The following DCAF6 variants were observed in gnomAD, a reference collection of about 807,000 sequenced individuals.
DCAF6 encodes DDB1 and CUL4 associated factor 6, also known as DDB1- and CUL4-associated factor 6.
DCAF6 carries 54 observed loss-of-function variants against 125.1 expected under a neutral mutation model. The observed-to-expected ratio is 0.43, with a 90% CI of 0.35 to 0.54. The LOEUF is 0.54. Ranked by LOEUF, DCAF6 falls within the 20% of genes least tolerant of loss-of-function variation. The probability of loss-of-function intolerance (pLI) is 0.01; values close to 1 mark genes in which losing one functional copy is unlikely to be tolerated. For missense variants in DCAF6, 934 were observed against 1,161.7 expected (o/e 0.80, Z 2.85); for synonymous variants, 371 against 390.4 (o/e 0.95, Z 0.58).
intron 2 of DCAF6, among the ~76,000 whole-genome samples, chr1:167,962,904 G>A (rs973960834): frequency 1.8e-4 from 28 of 152,070 alleles, no homozygotes; most frequent in African/African-American, 6.3e-4. Context: ...TGTAGTAAGC[G>A]GAGATAGCAC....
chr1:167,973,510 A>T (rs567563912), intron 3 of DCAF6, among the ~76,000 whole-genome samples: 2 of 152,282 alleles, frequency 1.3e-5, no homozygotes, highest in Non-Finnish European at 2.9e-5. Context: ...GTGATTTTTA[A>T]ATTGTCATTT....
At chr1:167,911,668 C>CA in the DCAF6 span, among the ~76,000 whole-genome samples, 6 of 152,264 alleles carry the variant, frequency 3.9e-5, no homozygotes, top group South Asian at 1.2e-3. Flanking sequence ...ACTCTCGTGG[C>CA]AAAACTGCTG....
the DCAF6 span, among the ~76,000 whole-genome samples, chr1:167,892,237 G>A: frequency 6.6e-6 from 1 of 152,192 alleles, no homozygotes; most frequent in South Asian, 2.1e-4. Context: ...TTCCCAAAGT[G>A]CTGGGATTAC....
intron 10 of DCAF6, among the ~76,000 whole-genome samples, chr1:168,009,214 G>T (rs1683824359): frequency 1.3e-5 from 2 of 151,738 alleles, no homozygotes; most frequent in African/African-American, 4.8e-5. Flanking sequence ...TGGCCACGAT[G>T]GTCTCAATCT....
At chr1:167,966,014 C>T (rs1352096560) in intron 2 of DCAF6, among the ~76,000 whole-genome samples, 1 of 152,144 alleles carries the variant, frequency 6.6e-6, no homozygotes, top group African/African-American at 2.4e-5. Flanking sequence ...GGTTTTCCTA[C>T]CCTAGCTCTG....
At chr1:167,920,630 C>A in the DCAF6 span, 1 of 1,611,562 alleles carries the variant, frequency 6.2e-7, no homozygotes, top group Non-Finnish European at 8.5e-7. Context: ...ACACACCAAC[C>A]CCTACACATT....
intron 4 of DCAF6, among the ~76,000 whole-genome samples, chr1:167,977,626 T>G (rs1489857009): frequency 1.3e-5 from 2 of 152,152 alleles, no homozygotes; most frequent in Non-Finnish European, 2.9e-5. Flanking sequence ...TGTGAGCAAT[T>G]GGCATCTTGA....
chr1:167,945,848 A>T, intron 1 of DCAF6, among the ~76,000 whole-genome samples: 1 of 141,604 alleles, frequency 7.1e-6, no homozygotes, highest in Non-Finnish European at 1.5e-5. Context: ...TGTGTTCTTG[A>T]TTTGGTTTTC....
the DCAF6 span, chr1:167,883,383 A>G: frequency 3.1e-6 from 5 of 1,589,818 alleles, no homozygotes; most frequent in Non-Finnish European, 4.3e-6. Context: ...GTGCTTGTCC[A>G]TGAATGCTAA....
the DCAF6 span, chr1:167,899,695 T>G: frequency 6.7e-7 from 1 of 1,496,684 alleles, no homozygotes; most frequent in Non-Finnish European, 9.2e-7. Flanking sequence ...GCACAGGTTT[T>G]TGGAAAAACC....
Position 167,936,852 on chromosome 1 carries a change from C to CA in DCAF6, c.-60_-59insA. On this transcript the variant is annotated 5_prime_UTR_variant, in exon 1 of 22. Coordinates refer to ENST00000367840, the MANE Select transcript of DCAF6 (RefSeq NM_001198956.2). The stretch of plus-strand genomic sequence containing the variant: ...GCTCGGGTGTTGAAACGGGTGTCCC[C>CA]TCCCCCTCCTCCCCTCCCCCACGCG... The CA allele has an allele frequency of 2.2e-6, 3 of 1,393,892 alleles. No homozygotes were observed. The highest frequency in any genetic ancestry group is 3.0e-6 in the Non-Finnish European group (3 of 1,007,836). 86.3% of individuals were successfully genotyped at this position (1,393,892 alleles called of 1,614,324 possible). A position where few individuals can be genotyped will look rare whatever the true frequency, so the allele number is the denominator to read the frequency against.
the DCAF6 span, among the ~76,000 whole-genome samples, chr1:167,929,597 TA>T: frequency 6.6e-6 from 1 of 152,224 alleles, no homozygotes; most frequent in South Asian, 2.1e-4. Flanking sequence ...TCAATGAACC[TA>T]TTAATAAACT....
At chr1:167,885,804 C>G in the DCAF6 span, among the ~76,000 whole-genome samples, 1 of 151,926 alleles carries the variant, frequency 6.6e-6, no homozygotes, top group African/African-American at 2.4e-5. Flanking sequence ...TTAGTAGAGA[C>G]GGGGTTTCAC....
At chr1:167,993,188 C>T (rs780564591) in intron 6 of DCAF6, 38 bp from the exon 7 acceptor site, 2 of 1,529,076 alleles carry the variant, frequency 1.3e-6, no homozygotes, top group Non-Finnish European at 1.8e-6. Flanking sequence ...TTCTTTAAAA[C>T]ATTATTAATT....
chr1:167,932,297 A>G (rs1420102361), upstream of DCAF6, among the ~76,000 whole-genome samples: 1 of 152,130 alleles, frequency 6.6e-6, no homozygotes, highest in African/African-American at 2.4e-5. Context: ...AATTACTGCA[A>G]TAATATATTT....
At chr1:167,866,606 G>T in the DCAF6 span, among the ~76,000 whole-genome samples, 2 of 150,760 alleles carry the variant, frequency 1.3e-5, no homozygotes, top group Non-Finnish European at 3.0e-5. Flanking sequence ...CTTACTCATA[G>T]CAAAGGATAA....
intron 13 of DCAF6, among the ~76,000 whole-genome samples, chr1:168,039,795 G>A (rs934532946): frequency 6.7e-6 from 1 of 149,858 alleles, no homozygotes; most frequent in Non-Finnish European, 1.5e-5. Context: ...ATTATATGTT[G>A]ATATGTGATA....
chr1:167,935,978 G>T (rs1671155049), upstream of DCAF6: 2 of 682,440 alleles, frequency 2.9e-6, no homozygotes, highest in East Asian at 2.7e-5. Context: ...CCTTCCCGCG[G>T]CTTTCCCTGC....
intron 12 of DCAF6, 153 bp downstream of exon 12, chr1:168,023,200 CAT>C (rs1685882918): frequency 1.3e-6 from 1 of 768,976 alleles, no homozygotes; most frequent in African/African-American, 1.7e-5. Flanking sequence ...TGGTATTGTA[CAT>C]AAAAGGTCTT....
Sources: allele counts gnomAD v4.1 joint callset (sites outside exome capture counted in the v4.1 genomes callset), GRCh38; gene constraint gnomAD v4.1.1; transcripts MANE v1.5; gene names NCBI Gene and HGNC (gene_info 2026-07-23, HGNC 2026-07-21).